TDRD5: variants seen among roughly 807,000 people sequenced by gnomAD.
TDRD5 encodes tudor domain containing 5.
In TDRD5, 41 loss-of-function variants were observed where a neutral mutation model predicts 120.6. That is an observed-to-expected ratio of 0.34 (90% CI 0.26 to 0.44). The LOEUF is 0.44. Ranked by LOEUF, TDRD5 falls within the 20% of genes least tolerant of loss-of-function variation. The pLI, the probability that TDRD5 is intolerant of heterozygous loss-of-function variation, is 1.00. For missense variants in TDRD5, 1,006 were observed against 1,221.2 expected, an observed-to-expected ratio of 0.82 and a Z score of 2.63; for synonymous variants, 430 against 433.7, an observed-to-expected ratio of 0.99 and a Z score of 0.11.
At chr1:179,608,745 TC>T (rs1379474110) in intron 4 of TDRD5, among the ~76,000 whole-genome samples, 1 of 151,976 alleles carries the variant, frequency 6.6e-6, no homozygotes, top group East Asian at 1.9e-4. Context: ...GTTTTTTTTT[TC>T]CTATTGATTT....
intron 3 of TDRD5, 34 bp downstream of exon 3, chr1:179,593,901 G>A (rs765110047): frequency 1.9e-6 from 3 of 1,592,454 alleles, no homozygotes; most frequent in East Asian, 4.5e-5. Flanking sequence ...AGCAGTCATG[G>A]CACATAGAGG....
At chr1:179,634,404 T>G (rs1229817762) in intron 7 of TDRD5, 53 bp from the exon 8 acceptor site, 3 of 1,549,838 alleles carry the variant, frequency 1.9e-6, no homozygotes, top group Non-Finnish European at 2.6e-6. Flanking sequence ...CATAGGCTGC[T>G]CTATTGGCCA....
rs71569258 is a variant in TDRD5 at position 179,628,324 on chromosome 1, CTTTTTTTT to C, written c.973-2424_973-2417del. Among the ~76,000 whole-genome samples the C allele has an allele frequency of 4.0e-3, 218 of 54,616 alleles. 2 individuals are homozygous for C. Among genetic ancestry groups the C allele is most frequent in the African/African-American group, 0.015 (202 of 13,754 alleles). The allele number at this position is 54,616 out of a possible 152,430, so 35.8% of individuals were successfully genotyped here. The stretch of plus-strand genomic sequence containing the variant: ...TTATTTATTTCTTTTCTTTTCTTTT[CTTTTTTTT>C]TTTTTTTTTTTTTTTTTTAAGACGG... On this transcript the variant is annotated intron_variant, in intron 6 of 17. Transcript: ENST00000444136.
At position 179,635,840 on chromosome 1, in the gene TDRD5, T is replaced by C; in HGVS notation, c.1473T>C (p.Tyr491=). Residue 491 remains tyrosine (Y), a synonymous_variant, in exon 9 of 18, where the codon TAT becomes TAC. Transcript: ENST00000444136. ...CTAGTCAATTCTACATCCGGATCTA[T>C]AGCAGGGATTCGTCAGAGTTACTCG... ...ISPSQFYIRI[Y]SRDSSELLED... 1.2e-6 allele frequency: 2 copies of C among 1,613,844 alleles called. No individual in the cohort carries two copies. Among genetic ancestry groups the C allele is most frequent in the Non-Finnish European group, 1.7e-6 (2 of 1,179,984 alleles).
At chr1:179,662,012 T>G (rs1185112726) in intron 14 of TDRD5, 92 bp from the exon 15 acceptor site, 8 of 1,208,588 alleles carry the variant, frequency 6.6e-6, no homozygotes, top group African/African-American at 1.6e-5. Flanking sequence ...CATCTTTACC[T>G]GGAGTCAGGA....
chr1:179,648,987 A>C (rs1035864033), intron 11 of TDRD5, among the ~76,000 whole-genome samples: 1 of 152,316 alleles, frequency 6.6e-6, no homozygotes, highest in East Asian at 1.9e-4. Flanking sequence ...GGATTTACTA[A>C]GTATAGAATT....
chr1:179,678,355 A>G lies in TDRD5; in HGVS notation c.2860+8951A>G, dbSNP rs576933590. ...GAGCCTCCCCGTTGAGAAAGCAAGC[A>G]GACTCACAGTTTTTCAGCATCTCAG... On this transcript the variant is annotated intron_variant, in intron 17 of 17. Coordinates refer to ENST00000444136, the MANE Select transcript of TDRD5 (RefSeq NM_001199085.3). Among the ~76,000 whole-genome samples, 8 of 152,310 alleles carry G rather than the reference A, an allele frequency of 5.3e-5. No individual in the cohort carries two copies. The East Asian group carries it at 1.4e-3, about 26-fold the overall frequency.
rs201849047 is a variant in TDRD5 at position 179,634,600 on chromosome 1, C to T, written c.1270C>T (p.Pro424Ser). The part of the protein sequence containing the change: ...KEPQQKICKK[P>S]NLVVKPLQLQ... ...GCCACAACAGAAGATTTGCAAGAAG[C>T]CTAATCTGGTGGTAAAGCCTTTACA... is the stretch of plus-strand genomic sequence containing the variant. Residue 424 changes from proline to serine, a missense_variant, in exon 8 of 18, where the codon CCT (proline) becomes TCT (serine). Transcript: ENST00000444136. 3.1e-6 allele frequency: 5 copies of T among 1,613,322 alleles called. No homozygotes were observed. In the African/African-American group the frequency reaches 5.3e-5, roughly 17 times the overall value.
intron 17 of TDRD5, among the ~76,000 whole-genome samples, chr1:179,685,498 T>C (rs1222054687): frequency 6.6e-6 from 1 of 152,224 alleles, no homozygotes; most frequent in African/African-American, 2.4e-5. Context: ...TTTGTTCTTT[T>C]GGCTTAGGAT....
chr1:179,669,819 A>T (rs996708181), intron 17 of TDRD5, among the ~76,000 whole-genome samples: 2 of 152,070 alleles, frequency 1.3e-5, no homozygotes, highest in African/African-American at 4.8e-5. Context: ...CCTTTTCTAG[A>T]ATTTCATATA....
chr1:179,625,988 C>T (rs111809453), intron 6 of TDRD5, among the ~76,000 whole-genome samples: 65 of 151,892 alleles, frequency 4.3e-4, no homozygotes, highest in Non-Finnish European at 6.8e-4. Flanking sequence ...ACCGCATATT[C>T]TCACTCATAG....
At chr1:179,680,654 G>A (rs1412307452) in intron 17 of TDRD5, among the ~76,000 whole-genome samples, 4 of 152,126 alleles carry the variant, frequency 2.6e-5, no homozygotes, top group Non-Finnish European at 4.4e-5. Flanking sequence ...TAACCTGTCT[G>A]TATCTTTATA....
chr1:179,634,728 A>C, intron 8 of TDRD5, 99 bp downstream of exon 8: 1 of 1,289,398 alleles, frequency 7.8e-7, no homozygotes, highest in South Asian at 1.8e-5. Context: ...GAAAAGTCTT[A>C]TTTCTGGATA....
rs1233370586 is a variant in TDRD5, at chr1:179,634,517, T to G, written c.1187T>G (p.Leu396Trp). ...GTCTCCAGTCCACCTAGAAATTCAT[T>G]GTCTACTGCTGCTGTCAAAGAGACT... is the stretch of plus-strand genomic sequence containing the variant. ...ACVSSPPRNS[L>W]STAAVKETVW... is the part of the protein sequence containing the mutation. The change falls in exon 8 of 18, where the codon TTG becomes TGG. Residue 396 changes from leucine (L) to tryptophan (W), a missense_variant. Leu to Trp is a moderately conservative substitution (Grantham distance 61). Coordinates refer to ENST00000444136, the MANE Select transcript of TDRD5 (RefSeq NM_001199085.3). The G allele has an allele frequency of 2.5e-6, 4 of 1,612,770 alleles. No homozygotes were observed. The South Asian group carries it at 3.3e-5, about 13-fold the overall frequency.
chr1:179,623,252 C>G (rs1431731267), intron 6 of TDRD5, among the ~76,000 whole-genome samples: 1 of 151,992 alleles, frequency 6.6e-6, no homozygotes, highest in African/African-American at 2.4e-5. Context: ...GGAAATAATG[C>G]CAGATTGGAA....
chr1:179,608,856 A>T (rs1169323369), intron 4 of TDRD5, among the ~76,000 whole-genome samples: 1 of 151,978 alleles, frequency 6.6e-6, no homozygotes, highest in African/African-American at 2.4e-5. Flanking sequence ...CTTTACATAT[A>T]AATTACTTTG....
chr1:179,640,414 C>G lies in TDRD5; in HGVS notation c.1769C>G (p.Pro590Arg). ...CYTKLPAQAI[P>R]CSLAWVRPVE... ...ACAAAGCTTCCAGCTCAGGCTATCC[C>G]TTGTTCTTTGGCTTGGGTGAGACCA... is the stretch of plus-strand genomic sequence containing the variant. The change falls in exon 11 of 18, where the codon CCT (proline) becomes CGT (arginine). Residue 590 changes from proline (P) to arginine (R), a missense_variant. This residue lies in a region of TDRD5 where 158 missense variants were observed against 257.5 expected (regional missense o/e 0.61). Transcript: ENST00000444136. 1 of 1,614,144 alleles carries G rather than the reference C, an allele frequency of 6.2e-7. No homozygotes were observed. The highest frequency in any genetic ancestry group is 8.5e-7 in the Non-Finnish European group (1 of 1,179,992).
At chr1:179,672,829 C>G (rs1027753820) in intron 17 of TDRD5, among the ~76,000 whole-genome samples, 6 of 152,118 alleles carry the variant, frequency 3.9e-5, no homozygotes, top group Non-Finnish European at 8.8e-5. Flanking sequence ...GCCAATTATC[C>G]TAGCACCATT....
At chr1:179,684,725 T>C (rs2147817209) in intron 17 of TDRD5, among the ~76,000 whole-genome samples, 1 of 152,364 alleles carries the variant, frequency 6.6e-6, no homozygotes, top group African/African-American at 2.4e-5. Context: ...TCCTGACTTT[T>C]GAATGATCGC....
Sources: allele counts gnomAD v4.1 joint callset (sites outside exome capture counted in the v4.1 genomes callset), GRCh38; gene constraint gnomAD v4.1.1; regional missense constraint gnomAD v4.1.1; transcripts MANE v1.5; gene names NCBI Gene and HGNC (gene_info 2026-07-23, HGNC 2026-07-21).